The following NOVA1 variants were observed in gnomAD, a reference collection of about 807,000 sequenced individuals.
NOVA1 encodes NOVA alternative splicing regulator 1.
A neutral mutation model predicts 38.0 loss-of-function variants in NOVA1; 7 were observed. That is an observed-to-expected ratio of 0.18 (90% confidence interval 0.10 to 0.35). NOVA1 has a LOEUF of 0.35. Ranked by LOEUF, NOVA1 falls within the 10% of genes least tolerant of loss-of-function variation. The pLI is 1.00. For synonymous variants in NOVA1, 270 were observed against 232.5 expected (o/e 1.16, Z -1.47); for missense variants, 460 against 616.0 (o/e 0.75, Z 2.68).
At chr14:26,552,364 TA>T (rs943577594) in intron 2 of NOVA1, among the ~76,000 whole-genome samples, 1 of 152,004 alleles carries the variant, frequency 6.6e-6, no homozygotes, top group African/African-American at 2.4e-5. Flanking sequence ...AAGTATTTTA[TA>T]AAAAAATAAT....
At chr14:26,572,764 GTA>G (rs1566548722) in intron 2 of NOVA1, among the ~76,000 whole-genome samples, 1 of 149,008 alleles carries the variant, frequency 6.7e-6, no homozygotes, top group African/African-American at 2.5e-5. Context: ...GTGTGTGTGT[GTA>G]TGTGTGTCTG....
chr14:26,552,323 G>T (rs556028528), intron 2 of NOVA1, among the ~76,000 whole-genome samples: 3 of 152,086 alleles, frequency 2.0e-5, no homozygotes, highest in Admixed American at 6.6e-5. Context: ...AGGAATTTTC[G>T]AATGTTTTAC....
intron 1 of NOVA1, 37 bp downstream of exon 1, chr14:26,597,264 G>C (rs1478703916): frequency 8.1e-7 from 1 of 1,232,678 alleles, no homozygotes; most frequent in East Asian, 3.2e-5. Context: ...CGGGCGGCGG[G>C]GGATGGGGCC....
At chr14:26,581,720 G>A (rs190436365) in intron 2 of NOVA1, among the ~76,000 whole-genome samples, 218 of 151,910 alleles carry the variant, frequency 1.4e-3, no homozygotes, top group African/African-American at 5.0e-3. Context: ...CCCAGTGATG[G>A]GCAAATGTGG....
intron 4 of NOVA1, among the ~76,000 whole-genome samples, chr14:26,465,500 G>T (rs1884040786): frequency 6.6e-6 from 1 of 152,084 alleles, no homozygotes; most frequent in African/African-American, 2.4e-5. Flanking sequence ...GGAGAATTAT[G>T]ATAATATTCG....
chr14:26,526,339 T>G (rs533021425), intron 2 of NOVA1, among the ~76,000 whole-genome samples: 2 of 152,312 alleles, frequency 1.3e-5, no homozygotes, highest in African/African-American at 2.4e-5. Context: ...ATTGGTTGCT[T>G]TCCTGAGTAT....
chr14:26,552,323 G>A (rs556028528), intron 2 of NOVA1, among the ~76,000 whole-genome samples: 67 of 152,086 alleles, frequency 4.4e-4, no homozygotes, highest in African/African-American at 1.5e-3. Context: ...AGGAATTTTC[G>A]AATGTTTTAC....
At chr14:26,490,910 C>A (rs192350637) in intron 2 of NOVA1, among the ~76,000 whole-genome samples, 4 of 137,468 alleles carry the variant, frequency 2.9e-5, no homozygotes, top group African/African-American at 1.1e-4. Flanking sequence ...AGTGCAGTGG[C>A]GCAATCTCGG....
intron 2 of NOVA1, among the ~76,000 whole-genome samples, chr14:26,587,506 C>T (rs914855143): frequency 7.9e-5 from 12 of 150,964 alleles, no homozygotes; most frequent in Admixed American, 4.6e-4. Flanking sequence ...CAAGAGACAG[C>T]TTCCAGGCAG....
intron 2 of NOVA1, among the ~76,000 whole-genome samples, chr14:26,553,654 T>C (rs192421125): frequency 6.6e-6 from 1 of 152,200 alleles, no homozygotes; most frequent in East Asian, 1.9e-4. Flanking sequence ...TGAAAGTAGC[T>C]GGACTTGAGC....
chr14:26,475,807 T>C (rs1884941271), intron 3 of NOVA1, among the ~76,000 whole-genome samples: 1 of 152,180 alleles, frequency 6.6e-6, no homozygotes, highest in South Asian at 2.1e-4. Flanking sequence ...AGTGTGACTA[T>C]TACAAATTAT....
chr14:26,519,822 CAAGTAG>C (rs1888741729), intron 2 of NOVA1, among the ~76,000 whole-genome samples: 1 of 151,956 alleles, frequency 6.6e-6, no homozygotes, highest in African/African-American at 2.4e-5. Context: ...AAATTTTCTA[CAAGTAG>C]AAGAAATTTT....
At chr14:26,530,340 G>C (rs1889618517) in intron 2 of NOVA1, among the ~76,000 whole-genome samples, 1 of 152,178 alleles carries the variant, frequency 6.6e-6, no homozygotes, top group Non-Finnish European at 1.5e-5. Context: ...ATAATATACA[G>C]CAGTAAAAAT....
At chr14:26,488,245 C>T (rs1442951120) in intron 2 of NOVA1, among the ~76,000 whole-genome samples, 2 of 152,130 alleles carry the variant, frequency 1.3e-5, no homozygotes, top group Admixed American at 6.5e-5. Flanking sequence ...CATGTTTTCA[C>T]ATTAAAATAT....
chr14:26,583,293 A>T (rs1386408570), intron 2 of NOVA1, among the ~76,000 whole-genome samples: 1 of 151,696 alleles, frequency 6.6e-6, no homozygotes, highest in Non-Finnish European at 1.5e-5. Flanking sequence ...GCAAAAAAAC[A>T]TGTATGCAAC....
At chr14:26,490,849 T>G (rs889661003) in intron 2 of NOVA1, among the ~76,000 whole-genome samples, 2 of 141,552 alleles carry the variant, frequency 1.4e-5, no homozygotes, top group African/African-American at 2.6e-5. Flanking sequence ...CTAGTTTTTT[T>G]TTTTTTTTTT....
chr14:26,595,399 A>T lies in NOVA1; in HGVS notation c.280+11T>A, dbSNP rs1456614460. On this transcript the variant is annotated intron_variant, in intron 2 of 4. Transcript: ENST00000539517. ...GAGCTCATCAAACAATCTCTTCACC[A>T]TTGCACCTACCTGGGTAAAAATCTT... 2 of 1,612,754 alleles carry T rather than the reference A, an allele frequency of 1.2e-6. No individual in the cohort carries two copies. The highest frequency in any genetic ancestry group is 1.7e-6 in the Non-Finnish European group (2 of 1,179,372).
At chr14:26,543,839 C>A (rs916732936) in intron 2 of NOVA1, among the ~76,000 whole-genome samples, 1 of 151,978 alleles carries the variant, frequency 6.6e-6, no homozygotes, top group African/African-American at 2.4e-5. Context: ...ATCATCTAGG[C>A]TACAGTTGGT....
At chr14:26,465,024 T>C (rs1883999783) in intron 4 of NOVA1, among the ~76,000 whole-genome samples, 1 of 152,118 alleles carries the variant, frequency 6.6e-6, no homozygotes, top group Non-Finnish European at 1.5e-5. Flanking sequence ...GCAAAACACA[T>C]AAAATCTAAT....
Sources: allele counts gnomAD v4.1 joint callset (sites outside exome capture counted in the v4.1 genomes callset), GRCh38; gene constraint gnomAD v4.1.1; transcripts MANE v1.5; gene names NCBI Gene and HGNC (gene_info 2026-07-23, HGNC 2026-07-21).